The following KIF18A variants were observed in gnomAD, a reference collection of about 807,000 sequenced individuals.
KIF18A encodes kinesin family member 18A, also known as kinesin-like protein KIF18A.
A neutral mutation model predicts 103.3 loss-of-function variants in KIF18A; 67 were observed. The ratio of observed to expected loss-of-function variants is 0.65; its 90% CI spans 0.53 to 0.79. The LOEUF is 0.79. Ranked by LOEUF, KIF18A falls within the 30% of genes least tolerant of loss-of-function variation. The pLI is 0.00. For synonymous variants in KIF18A, 367 were observed against 355.5 expected (o/e 1.03, Z -0.36); for missense variants, 1,032 against 1,062.5 (o/e 0.97, Z 0.40).
chr11:28,046,136 C>T (rs1365125566), intron 13 of KIF18A, among the ~76,000 whole-genome samples: 5 of 151,704 alleles, frequency 3.3e-5, no homozygotes, highest in South Asian at 2.1e-4. Context: ...GTCAGTGTGG[C>T]GATTCCTCAG....
intron 15 of KIF18A, among the ~76,000 whole-genome samples, chr11:28,033,848 TAA>T (rs1346670470): frequency 2.0e-5 from 3 of 151,612 alleles, no homozygotes; most frequent in Non-Finnish European, 4.4e-5. Context: ...AAAAAATAAC[TAA>T]GAGTATAATT....
chr11:28,042,981 G>T (rs777875402), intron 13 of KIF18A, among the ~76,000 whole-genome samples: 6 of 151,802 alleles, frequency 4.0e-5, no homozygotes, highest in Non-Finnish European at 8.8e-5. Flanking sequence ...GCTATCCCAA[G>T]GAGTTAAGTA....
At chr11:28,090,592 G>C in intron 5 of KIF18A, 25 bp downstream of exon 5, 1 of 1,161,612 alleles carries the variant, frequency 8.6e-7, no homozygotes, top group South Asian at 1.3e-5. Flanking sequence ...CCAATTTTAA[G>C]AGTGATAGTC....
intron 3 of KIF18A, among the ~76,000 whole-genome samples, chr11:28,092,247 C>G (rs1414266610): frequency 1.3e-5 from 2 of 151,988 alleles, no homozygotes; most frequent in Non-Finnish European, 2.9e-5. Flanking sequence ...GTAGTCCAAA[C>G]TTTTGAAATT....
chr11:28,072,321 C>A (rs1851029372), intron 10 of KIF18A, among the ~76,000 whole-genome samples: 1 of 152,110 alleles, frequency 6.6e-6, no homozygotes, highest in African/African-American at 2.4e-5. Flanking sequence ...ACATTAAAAA[C>A]AATCTTACAG....
At chr11:28,043,678 GACAAAACAAAA>G (rs1033586748) in intron 13 of KIF18A, among the ~76,000 whole-genome samples, 147 of 50,274 alleles carry the variant, frequency 2.9e-3, no homozygotes, top group African/African-American at 0.011. Context: ...TCCCAATTTT[GACAAAACAAAA>G]ACAAAAACAA....
chr11:28,101,435 A>G (rs1851445376), intron 1 of KIF18A, among the ~76,000 whole-genome samples: 1 of 152,208 alleles, frequency 6.6e-6, no homozygotes, highest in Non-Finnish European at 1.5e-5. Flanking sequence ...TCCCTCCCTA[A>G]TTAATTAGTT....
At chr11:28,081,340 A>G (rs2133551267) in intron 9 of KIF18A, among the ~76,000 whole-genome samples, 1 of 152,292 alleles carries the variant, frequency 6.6e-6, no homozygotes, top group South Asian at 2.1e-4. Context: ...ACCTACTTTC[A>G]AAGCTTTAAA....
intron 13 of KIF18A, among the ~76,000 whole-genome samples, chr11:28,044,029 C>T (rs1012858234): frequency 2.6e-5 from 4 of 151,898 alleles, no homozygotes; most frequent in Non-Finnish European, 5.9e-5. Context: ...TCTCTGAAAG[C>T]ACAGGGTGGA....
chr11:28,102,201 T>C (rs1851454650), intron 1 of KIF18A, among the ~76,000 whole-genome samples: 1 of 152,168 alleles, frequency 6.6e-6, no homozygotes, highest in Non-Finnish European at 1.5e-5. Flanking sequence ...AGAAACATTT[T>C]ACAACCTGCT....
At chr11:28,064,458 T>TA (rs1215472421) in intron 11 of KIF18A, among the ~76,000 whole-genome samples, 4 of 152,074 alleles carry the variant, frequency 2.6e-5, no homozygotes, top group East Asian at 1.9e-4. Context: ...TTTTTTCCTT[T>TA]AAAAAAATCT....
chr11:28,079,214 A>G (rs1851131516), intron 9 of KIF18A, among the ~76,000 whole-genome samples: 1 of 152,076 alleles, frequency 6.6e-6, no homozygotes, highest in Non-Finnish European at 1.5e-5. Context: ...TTGGTATAGT[A>G]GACTTGGTTA....
intron 6 of KIF18A, among the ~76,000 whole-genome samples, chr11:28,087,240 CCT>C (rs945749931): frequency 3.9e-5 from 6 of 152,156 alleles, no homozygotes; most frequent in Admixed American, 1.3e-4. Context: ...CCCCACACCC[CCT>C]GACAGGCCCT....
At chr11:28,074,182 AAAG>A (rs1306474864) in intron 10 of KIF18A, among the ~76,000 whole-genome samples, 1 of 152,062 alleles carries the variant, frequency 6.6e-6, no homozygotes, top group Non-Finnish European at 1.5e-5. Context: ...AAAATAAAGA[AAAG>A]AAGAAAAACA....
chr11:28,107,525 A>C (rs1351015686), intron 1 of KIF18A, among the ~76,000 whole-genome samples: 1 of 152,182 alleles, frequency 6.6e-6, no homozygotes, highest in African/African-American at 2.4e-5. Context: ...AGGCAGTCAG[A>C]GCGGCTTTTA....
At chr11:28,058,904 T>C (rs1163878096) in intron 13 of KIF18A, 22 bp downstream of exon 13, 1 of 1,584,898 alleles carries the variant, frequency 6.3e-7, no homozygotes, top group Admixed American at 1.7e-5. Context: ...TACTATTTAC[T>C]TAAAACGAAA....
chr11:28,088,825 T>C (rs1296705864), intron 5 of KIF18A, 104 bp from the exon 6 acceptor site: 1 of 892,932 alleles, frequency 1.1e-6, no homozygotes, highest in Admixed American at 2.3e-5. Context: ...ATTTTCATTT[T>C]AAAAAACAAC....
At chr11:28,069,795 G>A (rs1850987748) in intron 10 of KIF18A, among the ~76,000 whole-genome samples, 1 of 151,736 alleles carries the variant, frequency 6.6e-6, no homozygotes, top group African/African-American at 2.4e-5. Flanking sequence ...CAAAATCAAA[G>A]CAGATGCATA....
intron 13 of KIF18A, among the ~76,000 whole-genome samples, chr11:28,056,660 AACTATT>A (rs1218045478): frequency 2.6e-5 from 4 of 151,926 alleles, no homozygotes; most frequent in Non-Finnish European, 5.9e-5. Flanking sequence ...AACATAATAA[AACTATT>A]ACAAGCCAAA....
Sources: allele counts gnomAD v4.1 joint callset (sites outside exome capture counted in the v4.1 genomes callset), GRCh38; gene constraint gnomAD v4.1.1; transcripts MANE v1.5; gene names NCBI Gene and HGNC (gene_info 2026-07-23, HGNC 2026-07-21).